MLLT3: variants seen among roughly 807,000 people sequenced by gnomAD.
The protein encoded by MLLT3 is protein AF-9.
A neutral mutation model predicts 53.2 loss-of-function variants in MLLT3; 4 were observed. The ratio of observed to expected loss-of-function variants is 0.08; its 90% confidence interval spans 0.04 to 0.17. The LOEUF is 0.17. Among genes scored for constraint, MLLT3 ranks in the 10% least tolerant of loss-of-function variants. The probability of loss-of-function intolerance (pLI) is 1.00; values close to 1 mark genes in which losing one functional copy is unlikely to be tolerated. For missense variants in MLLT3, 569 were observed against 684.0 expected (o/e 0.83, Z 1.87); for synonymous variants, 283 against 230.6 (o/e 1.23, Z -2.06).
intron 2 of MLLT3, among the ~76,000 whole-genome samples, chr9:20,518,537 C>T (rs556060134): frequency 3.9e-4 from 60 of 152,208 alleles, no homozygotes; most frequent in African/African-American, 1.4e-3. Context: ...CAAGATATCA[C>T]GCAATCTCAA....
chr9:20,594,908 C>T lies in MLLT3; in HGVS notation c.193+25746G>A, dbSNP rs144518918. Among the ~76,000 whole-genome samples the T allele has an allele frequency of 1.1e-4, 16 of 152,302 alleles. No individual in the cohort carries two copies. In the East Asian group the frequency reaches 3.1e-3, roughly 29 times the overall value. Reference sequence around the variant, plus strand: ...TTGCCCAGCCCCTTCCCATAAAACTCATGAATAATCCACCCCTTGTTTAGC... The same window carrying T: ...TTGCCCAGCCCCTTCCCATAAAACTTATGAATAATCCACCCCTTGTTTAGC... On this transcript the variant is annotated intron_variant, in intron 2 of 10. Transcript: ENST00000380338.
intron 2 of MLLT3, among the ~76,000 whole-genome samples, chr9:20,464,641 G>A (rs1824190490): frequency 1.3e-5 from 2 of 151,952 alleles, no homozygotes; most frequent in African/African-American, 4.8e-5. Flanking sequence ...TGGCATTTAA[G>A]TTGAGACCTG....
intron 2 of MLLT3, among the ~76,000 whole-genome samples, chr9:20,471,697 T>C (rs943719792): frequency 6.4e-4 from 97 of 152,152 alleles, no homozygotes; most frequent in African/African-American, 2.3e-3. Context: ...TTAAAACATA[T>C]TTTGCCAACA....
intron 3 of MLLT3, among the ~76,000 whole-genome samples, chr9:20,454,993 T>C (rs2118858158): frequency 1.3e-5 from 2 of 152,228 alleles, no homozygotes; most frequent in Middle Eastern, 6.8e-3. Flanking sequence ...AGGATGACTA[T>C]AATAGAAAAT....
intron 2 of MLLT3, among the ~76,000 whole-genome samples, chr9:20,607,038 G>A (rs1470777671): frequency 6.6e-6 from 1 of 151,994 alleles, no homozygotes; most frequent in East Asian, 1.9e-4. Flanking sequence ...CACTCCATAT[G>A]CTCCAAATAA....
intron 2 of MLLT3, among the ~76,000 whole-genome samples, chr9:20,475,295 A>G (rs1824492417): frequency 6.6e-6 from 1 of 152,090 alleles, no homozygotes; most frequent in Admixed American, 6.6e-5. Flanking sequence ...GTAGCCAAAC[A>G]GGTATCTCTC....
intron 5 of MLLT3, among the ~76,000 whole-genome samples, chr9:20,400,707 G>GA (rs1315688746): frequency 1.3e-5 from 2 of 151,242 alleles, no homozygotes. Flanking sequence ...ATGTATACTT[G>GA]AAAATCTTCA....
intron 2 of MLLT3, among the ~76,000 whole-genome samples, chr9:20,615,360 GAAAAAAAAAAAAAAAA>G (rs10601830): frequency 1.6e-3 from 80 of 48,762 alleles, no homozygotes; most frequent in African/African-American, 3.2e-3. Flanking sequence ...CAGACCATGT[GAAAAAAAAAAAAAAAA>G]AAAAAAAAAA....
rs1166855053 is a variant in MLLT3, at chr9:20,343,781, C to A, written c.*2662G>T. 1 of 213,894 alleles carries A rather than the reference C, an allele frequency of 4.7e-6. No individual in the cohort carries two copies. The highest frequency in any genetic ancestry group is 9.4e-6 in the Non-Finnish European group (1 of 105,998). 13.2% of individuals were successfully genotyped at this position (213,894 alleles called of 1,614,324 possible). A position where few individuals can be genotyped will look rare whatever the true frequency, so the allele number is the denominator to read the frequency against. Reference sequence around the variant, plus strand: ...CCATTTTCCCTTTGTGCTTAAGAAACCAGAGCCACTGTTAGGGTACTCACA... The same window carrying A: ...CCATTTTCCCTTTGTGCTTAAGAAAACAGAGCCACTGTTAGGGTACTCACA... On this transcript the variant is annotated 3_prime_UTR_variant, in exon 11 of 11. Coordinates refer to ENST00000380338, the MANE Select transcript of MLLT3 (RefSeq NM_004529.4).
chr9:20,523,654 G>C (rs1818123927), intron 2 of MLLT3, among the ~76,000 whole-genome samples: 1 of 152,140 alleles, frequency 6.6e-6, no homozygotes, highest in Non-Finnish European at 1.5e-5. Flanking sequence ...ATTTAGGATA[G>C]GGCAAAATTA....
intron 5 of MLLT3, among the ~76,000 whole-genome samples, chr9:20,400,121 A>C (rs972564085): frequency 6.6e-6 from 1 of 152,148 alleles, no homozygotes; most frequent in Non-Finnish European, 1.5e-5. Context: ...GGTCTGGCCC[A>C]GAAAAACAAA....
At chr9:20,394,491 G>A (rs1264731607) in intron 5 of MLLT3, among the ~76,000 whole-genome samples, 2 of 152,116 alleles carry the variant, frequency 1.3e-5, no homozygotes, top group East Asian at 1.9e-4. Flanking sequence ...TAAGGAGGGG[G>A]CATTAGGGAT....
At chr9:20,508,454 A>G (rs1411877592) in intron 2 of MLLT3, among the ~76,000 whole-genome samples, 1 of 152,340 alleles carries the variant, frequency 6.6e-6, no homozygotes, top group East Asian at 1.9e-4. Flanking sequence ...CCCAGGATCT[A>G]GAGACCTAAA....
chr9:20,364,769 G>C (rs1340838570), intron 6 of MLLT3, among the ~76,000 whole-genome samples: 2 of 152,154 alleles, frequency 1.3e-5, no homozygotes, highest in Non-Finnish European at 2.9e-5. Flanking sequence ...GGAATTCAGT[G>C]TGGTCATTGA....
intron 2 of MLLT3, among the ~76,000 whole-genome samples, chr9:20,460,612 A>G (rs1232641319): frequency 6.6e-6 from 1 of 152,174 alleles, no homozygotes; most frequent in Non-Finnish European, 1.5e-5. Flanking sequence ...CCCCCTTCAA[A>G]GTCAGCAACC....
intron 2 of MLLT3, 63 bp from the exon 3 acceptor site, chr9:20,456,849 T>A (rs569710489): frequency 3.1e-4 from 337 of 1,082,778 alleles, no homozygotes; most frequent in African/African-American, 2.2e-3. Context: ...ATTCTTCTTT[T>A]AAAAAAAAAA....
intron 2 of MLLT3, among the ~76,000 whole-genome samples, chr9:20,595,950 G>A (rs921696230): frequency 6.6e-5 from 10 of 152,174 alleles, no homozygotes; most frequent in Non-Finnish European, 1.2e-4. Flanking sequence ...GCAAGTGACT[G>A]AGGAATTAAA....
chr9:20,472,808 A>C (rs192240714), intron 2 of MLLT3, among the ~76,000 whole-genome samples: 151 of 152,156 alleles, frequency 9.9e-4, no homozygotes, highest in African/African-American at 3.5e-3. Flanking sequence ...ATGTAATTGC[A>C]ATTCAATCCT....
At chr9:20,405,432 C>T (rs553839876) in intron 5 of MLLT3, among the ~76,000 whole-genome samples, 1 of 152,322 alleles carries the variant, frequency 6.6e-6, no homozygotes, top group African/African-American at 2.4e-5. Flanking sequence ...GTCAATATCA[C>T]AGTGGTTTTA....
Sources: allele counts gnomAD v4.1 joint callset (sites outside exome capture counted in the v4.1 genomes callset), GRCh38; gene constraint gnomAD v4.1.1; transcripts MANE v1.5; gene names NCBI Gene and HGNC (gene_info 2026-07-23, HGNC 2026-07-21).